USP4: variants seen among roughly 807,000 people sequenced by gnomAD.
The protein encoded by USP4 is ubiquitin carboxyl-terminal hydrolase 4.
In USP4, 72 loss-of-function variants were observed where a neutral mutation model predicts 118.2. The ratio of observed to expected loss-of-function variants is 0.61; its 90% CI spans 0.50 to 0.74. The LOEUF (loss-of-function observed/expected upper bound fraction) is 0.74. USP4 is among the 30% of genes least tolerant of loss of function. The probability of loss-of-function intolerance (pLI) is 0.00; values close to 1 mark genes in which losing one functional copy is unlikely to be tolerated. For missense variants in USP4, 1,037 were observed against 1,185.7 expected, an observed-to-expected ratio of 0.87 and a Z score of 1.84; for synonymous variants, 415 against 440.4, an observed-to-expected ratio of 0.94 and a Z score of 0.72.
At chr3:49,311,013 G>A (rs779960710) in intron 7 of USP4, among the ~76,000 whole-genome samples, 2 of 152,166 alleles carry the variant, frequency 1.3e-5, no homozygotes, top group African/African-American at 4.8e-5. Flanking sequence ...CTTTAGGGAA[G>A]ACCATTTTAG....
At chr3:49,290,079 G>A (rs1013169169) in intron 15 of USP4, among the ~76,000 whole-genome samples, 4 of 152,242 alleles carry the variant, frequency 2.6e-5, no homozygotes, top group Admixed American at 6.5e-5. Context: ...CCATGATTGC[G>A]CCACTGTATT....
At chr3:49,312,363 C>T (rs1175028890) in intron 6 of USP4, 1 of 401,224 alleles carries the variant, frequency 2.5e-6, no homozygotes, top group Non-Finnish European at 5.0e-6. Context: ...GTGGCGGGCG[C>T]CTGTCATCCC....
At chr3:49,294,009 T>C (rs2047177807) in intron 14 of USP4, among the ~76,000 whole-genome samples, 1 of 147,672 alleles carries the variant, frequency 6.8e-6, no homozygotes. Flanking sequence ...GGAGTCTCAC[T>C]CTGTCACCCA....
intron 4 of USP4, among the ~76,000 whole-genome samples, chr3:49,325,477 T>C (rs1055340029): frequency 6.6e-6 from 1 of 152,072 alleles, no homozygotes; most frequent in Non-Finnish European, 1.5e-5. Context: ...TTAAACTTCT[T>C]TGGATCTACA....
chr3:49,300,959 G>T (rs2047257382), intron 10 of USP4, among the ~76,000 whole-genome samples: 2 of 151,762 alleles, frequency 1.3e-5, no homozygotes, highest in African/African-American at 2.4e-5. Context: ...ATATTATATT[G>T]ATTGATTGAG....
At chr3:49,328,295 T>A (rs1442711671) in intron 2 of USP4, among the ~76,000 whole-genome samples, 1 of 150,490 alleles carries the variant, frequency 6.6e-6, no homozygotes, top group South Asian at 2.1e-4. Flanking sequence ...GAGGCAGAGG[T>A]TGCAGTAAGC....
chr3:49,304,470 A>G (rs1008762419), intron 9 of USP4, among the ~76,000 whole-genome samples: 3 of 152,130 alleles, frequency 2.0e-5, no homozygotes, highest in African/African-American at 7.2e-5. Context: ...TGCCCCTCAC[A>G]TCACCTTCCA....
intron 9 of USP4, among the ~76,000 whole-genome samples, chr3:49,305,103 C>T (rs564663105): frequency 4.8e-5 from 7 of 146,952 alleles, no homozygotes; most frequent in East Asian, 2.1e-4. Context: ...GACAGAGTCT[C>T]GTTCTGTCAC....
At chr3:49,292,435 G>T in intron 15 of USP4, 75 bp downstream of exon 15, 1 of 1,040,696 alleles carries the variant, frequency 9.6e-7, no homozygotes, top group Non-Finnish European at 1.4e-6. Context: ...TCCCATGTGT[G>T]TAACACCTTT....
At chr3:49,307,240 GA>G (rs1405027285) in intron 8 of USP4, among the ~76,000 whole-genome samples, 1 of 151,762 alleles carries the variant, frequency 6.6e-6, no homozygotes, top group Admixed American at 6.6e-5. Flanking sequence ...TTGAGGCCAG[GA>G]GTTCAAGACC....
Position 49,281,734 on chromosome 3 carries a change from C to T in USP4, c.2541-887G>A, listed in dbSNP as rs529672306. Among the ~76,000 whole-genome samples, 615 of 148,852 alleles carry T rather than the reference C, an allele frequency of 4.1e-3. 8 individuals are homozygous for T. The highest frequency in any genetic ancestry group is 4.4e-3 in the Non-Finnish European group (296 of 67,264). ...CGTCTCAAAAAAAAAAAAAAAAGGC[C>T]GGGCACAGTGGCTCATGCCTGTAAT... is the stretch of plus-strand genomic sequence containing the variant. On this transcript the variant is annotated intron_variant, in intron 19 of 21. Transcript: ENST00000265560.
intron 2 of USP4, among the ~76,000 whole-genome samples, chr3:49,332,104 C>G (rs1038132018): frequency 1.3e-5 from 2 of 151,678 alleles, no homozygotes; most frequent in African/African-American, 4.8e-5. Context: ...GAAATCCCGT[C>G]TTTACTAAAA....
chr3:49,289,167 C>A (rs922488751), intron 15 of USP4, among the ~76,000 whole-genome samples: 13 of 152,168 alleles, frequency 8.5e-5, no homozygotes, highest in African/African-American at 3.1e-4. Context: ...CCAAGATTCA[C>A]CTGTAGGATT....
In USP4 at chr3:49,292,589, C is replaced by A. The variant is rs1289100895; in HGVS notation, c.1893G>T (p.Val631=). ...QAVCDRISRY[V]KQPLPDEFGS... is the part of the protein sequence containing the mutation. The stretch of plus-strand genomic sequence containing the variant: ...CAAACTCATCAGGTAAAGGCTGTTT[C>A]ACATAGCGGCTTCAAAAAGAGAAAA... Residue 631 remains valine (V), a synonymous_variant, in exon 15 of 22, where the codon GTG becomes GTT. Transcript: ENST00000265560. 2 of 1,583,084 alleles carry A rather than the reference C, an allele frequency of 1.3e-6. No homozygotes were observed. Among genetic ancestry groups the A allele is most frequent in the Admixed American group, 1.9e-5 (1 of 53,832 alleles).
At chr3:49,285,915 C>G (rs2047086271) in intron 16 of USP4, among the ~76,000 whole-genome samples, 183 bp downstream of exon 16, 1 of 152,028 alleles carries the variant, frequency 6.6e-6, no homozygotes, top group African/African-American at 2.4e-5. Flanking sequence ...AGGAGAAAAG[C>G]CTGAAAGGTA....
intron 2 of USP4, among the ~76,000 whole-genome samples, chr3:49,330,291 A>G (rs2047601915): frequency 6.6e-6 from 1 of 152,110 alleles, no homozygotes; most frequent in Non-Finnish European, 1.5e-5. Flanking sequence ...ATGCATCTCC[A>G]TCAGAGCTCT....
chr3:49,303,010 G>A (rs1401913216), intron 9 of USP4, among the ~76,000 whole-genome samples: 2 of 152,084 alleles, frequency 1.3e-5, no homozygotes, highest in Non-Finnish European at 1.5e-5. Context: ...GTCCCCAGTC[G>A]CAGCATTAGT....
chr3:49,290,840 G>A (rs1334234764), intron 15 of USP4, among the ~76,000 whole-genome samples: 5 of 151,882 alleles, frequency 3.3e-5, no homozygotes, highest in Non-Finnish European at 1.5e-5. Context: ...TGTGCTGGGC[G>A]CAGTGGCTCA....
chr3:49,310,700 G>A lies in USP4; in HGVS notation c.874C>T (p.Pro292Ser). ...GFSASYNCQE[P>S]PSSHIQPGLC... ...CCAGGTTGTATATGAGAGGATGGTG[G>A]CTCCTGACAATTATACGAAGCAGAA... The change falls in exon 8 of 22, where the codon CCA becomes TCA. Residue 292 changes from proline (P) to serine (S), a missense_variant. Pro to Ser is a moderately conservative substitution (Grantham distance 74, BLOSUM62 -1). Coordinates refer to ENST00000265560, the MANE Select transcript of USP4 (RefSeq NM_003363.4). The A allele has an allele frequency of 6.2e-7, 1 of 1,614,144 alleles. No homozygotes were observed. The highest frequency in any genetic ancestry group is 8.5e-7 in the Non-Finnish European group (1 of 1,180,022).
Sources: gnomAD v4.1 joint callset for allele counts (sites outside exome capture counted in the v4.1 genomes callset) on GRCh38, gnomAD v4.1.1 for gene constraint, MANE v1.5 for transcripts, NCBI Gene and HGNC (gene_info 2026-07-23, HGNC 2026-07-21) for gene names.